GALNT13: variants seen among roughly 807,000 people sequenced by gnomAD.
The protein encoded by GALNT13 is polypeptide N-acetylgalactosaminyltransferase 13, also known as UDP-GalNAc:polypeptide N-acetylgalactosaminyltransferase 13.
Under a neutral mutation model 64.2 loss-of-function variants are expected in GALNT13, and 28 were observed. The ratio of observed to expected loss-of-function variants is 0.44; its 90% CI spans 0.32 to 0.60. The LOEUF is 0.60. Ranked by LOEUF, GALNT13 falls within the 20% of genes least tolerant of loss-of-function variation. The pLI is 0.05. For missense variants in GALNT13, 577 were observed against 669.8 expected, an observed-to-expected ratio of 0.86 and a Z score of 1.53; for synonymous variants, 214 against 224.6, an observed-to-expected ratio of 0.95 and a Z score of 0.42.
At position 154,059,890 on chromosome 2, in the gene GALNT13, G is replaced by A. The variant is rs148102828; in HGVS notation, c.143-80447G>A. Among the ~76,000 whole-genome samples the A allele has an allele frequency of 7.0e-3, 1,062 of 152,246 alleles. 12 individuals are homozygous for A. Among genetic ancestry groups the A allele is most frequent in the African/African-American group, 0.024 (979 of 41,536 alleles). Reference sequence around the variant, plus strand: ...GTGTGGGCACGGTTAAGAGAAGTCAGCAAGGGATGGTGAAGCTTGGGGAGC... The same window carrying A: ...GTGTGGGCACGGTTAAGAGAAGTCAACAAGGGATGGTGAAGCTTGGGGAGC... On this transcript the variant is annotated intron_variant, in intron 3 of 12. Coordinates refer to ENST00000392825, the MANE Select transcript of GALNT13 (RefSeq NM_052917.4).
chr2:153,190,465 T>A, the GALNT13 span, among the ~76,000 whole-genome samples: 1 of 152,090 alleles, frequency 6.6e-6, no homozygotes, highest in Non-Finnish European at 1.5e-5. Flanking sequence ...ACCAATACCA[T>A]GTTGTTTTGG....
At chr2:154,073,403 A>G (rs1700837537) in intron 3 of GALNT13, among the ~76,000 whole-genome samples, 1 of 151,970 alleles carries the variant, frequency 6.6e-6, no homozygotes, top group South Asian at 2.1e-4. Context: ...ACAAGTAACT[A>G]TTTATTGCCA....
At chr2:153,335,965 T>C in the GALNT13 span, among the ~76,000 whole-genome samples, 1 of 152,152 alleles carries the variant, frequency 6.6e-6, no homozygotes, top group Non-Finnish European at 1.5e-5. Flanking sequence ...AAGGGGCCAA[T>C]GTAGAGCTTG....
chr2:153,522,811 G>T, the GALNT13 span, among the ~76,000 whole-genome samples: 1 of 151,986 alleles, frequency 6.6e-6, no homozygotes, highest in African/African-American at 2.4e-5. Flanking sequence ...GTGGCTTTTT[G>T]ATTCTCTTCA....
the GALNT13 span, among the ~76,000 whole-genome samples, chr2:153,369,300 A>G: frequency 1.3e-5 from 2 of 152,224 alleles, no homozygotes; most frequent in Admixed American, 6.5e-5. Flanking sequence ...GAAATAATAA[A>G]TATAAAATCG....
At chr2:153,712,068 A>T in the GALNT13 span, among the ~76,000 whole-genome samples, 7 of 152,228 alleles carry the variant, frequency 4.6e-5, no homozygotes, top group Non-Finnish European at 8.8e-5. Context: ...TTATGAAAAT[A>T]GACAATTATA....
At chr2:153,942,497 A>G (rs1217021231) in intron 2 of GALNT13, among the ~76,000 whole-genome samples, 1 of 152,154 alleles carries the variant, frequency 6.6e-6, no homozygotes, top group African/African-American at 2.4e-5. Flanking sequence ...AAGAATGTAC[A>G]CGGTAACAGG....
At chr2:154,142,227 T>A (rs571210870) in intron 4 of GALNT13, among the ~76,000 whole-genome samples, 1 of 152,260 alleles carries the variant, frequency 6.6e-6, no homozygotes, top group South Asian at 2.1e-4. Flanking sequence ...CTAACTCTTA[T>A]TTTTTTCTTT....
intron 8 of GALNT13, 62 bp from the exon 9 acceptor site, chr2:154,301,347 T>C (rs1693430347): frequency 3.6e-6 from 5 of 1,370,016 alleles, no homozygotes; most frequent in Non-Finnish European, 5.1e-6. Flanking sequence ...TGGCCTAAGC[T>C]TCAGTTGCTT....
the GALNT13 span, among the ~76,000 whole-genome samples, chr2:153,603,794 A>T: frequency 3.3e-5 from 5 of 152,026 alleles, no homozygotes; most frequent in East Asian, 5.8e-4. Context: ...AAACCCCATG[A>T]AAAGAGCCCA....
chr2:153,158,600 T>C, the GALNT13 span, among the ~76,000 whole-genome samples: 7 of 152,098 alleles, frequency 4.6e-5, no homozygotes, highest in Non-Finnish European at 1.0e-4. Flanking sequence ...CTTAATGAGA[T>C]GATGGGAGTT....
chr2:153,318,416 A>G, the GALNT13 span, among the ~76,000 whole-genome samples: 1 of 151,500 alleles, frequency 6.6e-6, no homozygotes, highest in African/African-American at 2.4e-5. Context: ...CTCTCTTTAC[A>G]TAGAATTTCC....
At chr2:153,837,282 G>A in the GALNT13 span, among the ~76,000 whole-genome samples, 9 of 152,040 alleles carry the variant, frequency 5.9e-5, no homozygotes, top group African/African-American at 1.7e-4. Flanking sequence ...TTTTTCATGT[G>A]TCTGTTGGCT....
the GALNT13 span, among the ~76,000 whole-genome samples, chr2:153,494,965 G>A: frequency 4.6e-5 from 7 of 152,086 alleles, no homozygotes; most frequent in East Asian, 1.2e-3. Context: ...TAAATACAAT[G>A]GAGAAGATTC....
intron 4 of GALNT13, among the ~76,000 whole-genome samples, chr2:154,180,068 A>G (rs997016216): frequency 2.6e-5 from 4 of 152,190 alleles, no homozygotes; most frequent in Non-Finnish European, 5.9e-5. Flanking sequence ...CAGCATGAAT[A>G]CCAATTTATG....
chr2:154,188,842 T>G (rs1686407575), intron 4 of GALNT13, among the ~76,000 whole-genome samples: 1 of 152,164 alleles, frequency 6.6e-6, no homozygotes, highest in Non-Finnish European at 1.5e-5. Context: ...CACATTTCTC[T>G]AGATAATATT....
At chr2:154,326,737 A>G (rs560544181) in intron 9 of GALNT13, among the ~76,000 whole-genome samples, 10 of 152,158 alleles carry the variant, frequency 6.6e-5, no homozygotes, top group Non-Finnish European at 1.5e-4. Context: ...TATCTTAAAT[A>G]AGAACTGACC....
At chr2:153,124,047 TAAATC>T in the GALNT13 span, among the ~76,000 whole-genome samples, 2 of 152,218 alleles carry the variant, frequency 1.3e-5, no homozygotes, top group Non-Finnish European at 2.9e-5. Context: ...CTTGCTCTGA[TAAATC>T]AAGCTGCCGT....
At chr2:154,272,143 GT>G (rs1559060575) in intron 8 of GALNT13, among the ~76,000 whole-genome samples, 1 of 151,896 alleles carries the variant, frequency 6.6e-6, no homozygotes, top group Non-Finnish European at 1.5e-5. Context: ...CATTGGAAAT[GT>G]TTTGTTGGAA....
Sources: allele counts gnomAD v4.1 joint callset (sites outside exome capture counted in the v4.1 genomes callset), GRCh38; gene constraint gnomAD v4.1.1; transcripts MANE v1.5; gene names NCBI Gene and HGNC (gene_info 2026-07-23, HGNC 2026-07-21).